The following CMTM7 variants were observed in gnomAD, a reference collection of about 807,000 sequenced individuals.
CMTM7 encodes CKLF-like MARVEL transmembrane domain-containing protein 7.
A neutral mutation model predicts 19.3 loss-of-function variants in CMTM7; 7 were observed. The ratio of observed to expected loss-of-function variants is 0.36; its 90% CI spans 0.21 to 0.68. The LOEUF (loss-of-function observed/expected upper bound fraction) is 0.68, where lower values mean the gene tolerates loss of function less well. CMTM7 is among the 30% of genes least tolerant of loss of function. The pLI is 0.60. For synonymous variants in CMTM7, 87 were observed against 99.3 expected (o/e 0.88, Z 0.74); for missense variants, 193 against 232.6 (o/e 0.83, Z 1.11).
At chr3:32,437,578 CAG>C (rs1215274415) in intron 1 of CMTM7, among the ~76,000 whole-genome samples, 1 of 151,756 alleles carries the variant, frequency 6.6e-6, no homozygotes, top group Non-Finnish European at 1.5e-5. Context: ...GCCTGGGTGA[CAG>C]AGTGAGACTC....
In CMTM7 at chr3:32,433,124, A is replaced by C. The variant is rs566438822; in HGVS notation, c.160-8716A>C. 5.3e-4 allele frequency among the ~76,000 whole-genome samples: 81 copies of C among 152,370 alleles called. 1 individual carries two copies. The highest frequency in any genetic ancestry group is 1.0e-3 in the Non-Finnish European group (68 of 68,034). On this transcript the variant is annotated intron_variant, in intron 1 of 4. Coordinates refer to ENST00000334983, the MANE Select transcript of CMTM7 (RefSeq NM_138410.4). ...CTAGAGAAAAACCATTGCTTGTTGC[A>C]AACCAAAATTTGTGATTTCAGTTCA...
chr3:32,425,556 C>A (rs888701739), intron 1 of CMTM7, among the ~76,000 whole-genome samples: 1 of 151,754 alleles, frequency 6.6e-6, no homozygotes, highest in Non-Finnish European at 1.5e-5. Flanking sequence ...TGTAAATTAA[C>A]ATGCTCTGTT....
At chr3:32,419,247 C>G (rs1671228534) in intron 1 of CMTM7, among the ~76,000 whole-genome samples, 1 of 152,168 alleles carries the variant, frequency 6.6e-6, no homozygotes, top group African/African-American at 2.4e-5. Context: ...TATCTCATGA[C>G]ATTACTAAAG....
chr3:32,423,783 C>G (rs1224331724), intron 1 of CMTM7, among the ~76,000 whole-genome samples: 1 of 152,172 alleles, frequency 6.6e-6, no homozygotes, highest in South Asian at 2.1e-4. Context: ...TTTAGCTGAG[C>G]CATCCTAAGA....
chr3:32,434,469 A>AT (rs1415336353), intron 1 of CMTM7, among the ~76,000 whole-genome samples: 5 of 151,370 alleles, frequency 3.3e-5, no homozygotes. Context: ...GCCAATTTTA[A>AT]AAATTTTTTT....
At chr3:32,439,529 C>T (rs1696645727) in intron 1 of CMTM7, among the ~76,000 whole-genome samples, 1 of 152,236 alleles carries the variant, frequency 6.6e-6, no homozygotes, top group Non-Finnish European at 1.5e-5. Context: ...TAATAGCTCA[C>T]TGCAACCTCA....
At chr3:32,452,732 CCTTT>C (rs1198966997) in intron 4 of CMTM7, among the ~76,000 whole-genome samples, 1 of 151,582 alleles carries the variant, frequency 6.6e-6, no homozygotes, top group South Asian at 2.1e-4. Flanking sequence ...TTTCTTGCTT[CCTTT>C]CTTTCTTTTT....
chr3:32,392,090 C>T, intron 1 of CMTM7, 25 bp downstream of exon 1: 1 of 1,231,034 alleles, frequency 8.1e-7, no homozygotes, highest in Non-Finnish European at 1.0e-6. Flanking sequence ...GGCGCGAGGC[C>T]GAGGTTCTAC....
Position 32,449,247 on chromosome 3 carries a change from A to G in CMTM7, c.334-207A>G, listed in dbSNP as rs1393644632. Among the ~76,000 whole-genome samples, 1 of 152,164 alleles carries G rather than the reference A, an allele frequency of 6.6e-6. No individual in the cohort carries two copies. The highest frequency in any genetic ancestry group is 1.5e-5 in the Non-Finnish European group (1 of 68,028). On this transcript the variant is annotated intron_variant, in intron 2 of 4. Coordinates refer to ENST00000334983, the MANE Select transcript of CMTM7 (RefSeq NM_138410.4). This position sits in a 1 kb window ranked among gnomAD's most constrained non-coding sequence, Gnocchi z 4.5. ...CCTCTTCCCTTCCTGCCTGCCCGGC[A>G]TCACTTCTGTCTTGCTTGGCCTCTT... is the stretch of plus-strand genomic sequence containing the variant.
chr3:32,426,440 C>T (rs1346253759), intron 1 of CMTM7, among the ~76,000 whole-genome samples: 1 of 152,106 alleles, frequency 6.6e-6, no homozygotes, highest in Non-Finnish European at 1.5e-5. Context: ...TTAAAAAACA[C>T]AGAAAAAGCA....
chr3:32,406,176 C>T (rs754097780), intron 1 of CMTM7, among the ~76,000 whole-genome samples: 3 of 152,198 alleles, frequency 2.0e-5, no homozygotes, highest in Non-Finnish European at 2.9e-5. Context: ...AGAAGGTGTC[C>T]GCATTCTCCT....
At chr3:32,401,046 T>G (rs1244509554) in intron 1 of CMTM7, among the ~76,000 whole-genome samples, 1 of 151,958 alleles carries the variant, frequency 6.6e-6, no homozygotes, top group East Asian at 1.9e-4. Context: ...CATCCAAGAG[T>G]TTCAAGGAGC....
chr3:32,435,863 CT>C (rs2125637136), intron 1 of CMTM7, among the ~76,000 whole-genome samples: 1 of 152,290 alleles, frequency 6.6e-6, no homozygotes, highest in South Asian at 2.1e-4. Flanking sequence ...TTTTTTGAAA[CT>C]TAATATGTGA....
Position 32,449,555 on chromosome 3 carries a change from G to A in CMTM7, c.432+3G>A, listed in dbSNP as rs1696800329. The A allele has an allele frequency of 6.2e-7, 1 of 1,610,930 alleles. No homozygotes were observed. On this transcript the variant is annotated splice_donor_region_variant and intron_variant, in intron 3 of 4. Transcript: ENST00000334983. This position sits in a 1 kb window ranked among gnomAD's most constrained non-coding sequence, Gnocchi z 4.5. ...AGAGCGGACTGGTAGCCGGAGCGGT[G>A]AGGATGTTTTGGGGAGCCTTTAGGA...
chr3:32,434,140 G>T (rs563853367), intron 1 of CMTM7, among the ~76,000 whole-genome samples: 64 of 152,174 alleles, frequency 4.2e-4, no homozygotes, highest in African/African-American at 1.4e-3. Context: ...AGTGAGCCGA[G>T]ATCATGCCAT....
chr3:32,438,187 G>A (rs1389038440), intron 1 of CMTM7, among the ~76,000 whole-genome samples: 1 of 152,220 alleles, frequency 6.6e-6, no homozygotes. Flanking sequence ...AGACACCTGA[G>A]AGGGTTGGAG....
chr3:32,422,570 C>T (rs1181726881), intron 1 of CMTM7, among the ~76,000 whole-genome samples: 2 of 152,220 alleles, frequency 1.3e-5, no homozygotes, highest in South Asian at 4.1e-4. Flanking sequence ...GTAGATAATC[C>T]TTGAATGAAT....
At position 32,449,650 on chromosome 3, in the gene CMTM7, T is replaced by C. The variant is rs950313582; in HGVS notation, c.432+98T>C. The C allele has an allele frequency of 1.1e-6, 1 of 931,440 alleles. No homozygotes were observed. Among genetic ancestry groups the C allele is most frequent in the African/African-American group, 1.6e-5 (1 of 61,310 alleles). The allele number at this position is 931,440 out of a possible 1,614,324, so 57.7% of individuals were successfully genotyped here. ...GAGAAGGGCTTGGTTTCTGGGGCATTCCCTTCATAGAATCAATACCTACCT... is the reference window on the plus strand; with the variant it reads ...GAGAAGGGCTTGGTTTCTGGGGCATCCCCTTCATAGAATCAATACCTACCT... On this transcript the variant is annotated intron_variant, in intron 3 of 4. Transcript: ENST00000334983. The surrounding 1 kb of genome is among the most constrained non-coding windows in gnomAD (Gnocchi z 4.5).
intron 3 of CMTM7, among the ~76,000 whole-genome samples, chr3:32,450,215 T>G (rs1696810737): frequency 6.6e-6 from 1 of 152,210 alleles, no homozygotes; most frequent in Non-Finnish European, 1.5e-5. Context: ...CAGTGGCCTG[T>G]GGGCCAACAC....
Sources: allele counts gnomAD v4.1 joint callset (sites outside exome capture counted in the v4.1 genomes callset), GRCh38; gene constraint gnomAD v4.1.1; non-coding constraint Gnocchi (gnomAD v3.1); transcripts MANE v1.5; gene names NCBI Gene and HGNC (gene_info 2026-07-23, HGNC 2026-07-21).